Variants in SLCO1C1 observed in about 807,000 individuals in gnomAD.
SLCO1C1 encodes solute carrier organic anion transporter family member 1C1.
In SLCO1C1, 70 loss-of-function variants were observed where a neutral mutation model predicts 76.4. The observed-to-expected ratio is 0.92, with a 90% CI of 0.76 to 1.12. SLCO1C1 has a LOEUF of 1.12. SLCO1C1 is among the 50% of genes most tolerant of loss of function. The pLI is 0.00. For missense variants in SLCO1C1, 912 were observed against 823.8 expected (o/e 1.11, Z -1.31); for synonymous variants, 306 against 286.1 (o/e 1.07, Z -0.70).
At chr12:20,710,333 A>G (rs912176038) in intron 4 of SLCO1C1, among the ~76,000 whole-genome samples, 8 of 148,880 alleles carry the variant, frequency 5.4e-5, no homozygotes, top group Admixed American at 1.4e-4. Flanking sequence ...TCAGCCTCCC[A>G]AGTAGCTGGG....
chr12:20,717,008 T>C (rs1947391636), intron 6 of SLCO1C1, 124 bp from the exon 7 acceptor site: 1 of 767,686 alleles, frequency 1.3e-6, no homozygotes, highest in Non-Finnish European at 2.1e-6. Context: ...ACTAAACACA[T>C]GCAAATGAGT....
intron 6 of SLCO1C1, among the ~76,000 whole-genome samples, chr12:20,716,101 T>A (rs754872730): frequency 2.0e-5 from 3 of 152,140 alleles, no homozygotes; most frequent in African/African-American, 7.2e-5. Flanking sequence ...TTTAAATTCA[T>A]TGAGGGGCGC....
chr12:20,707,762 T>C (rs1165886823), intron 4 of SLCO1C1, among the ~76,000 whole-genome samples: 1 of 152,130 alleles, frequency 6.6e-6, no homozygotes, highest in African/African-American at 2.4e-5. Flanking sequence ...TGTATACAGA[T>C]GAATAATTTT....
chr12:20,723,446 T>C (rs1335166006), intron 9 of SLCO1C1, among the ~76,000 whole-genome samples, 192 bp downstream of exon 9: 1 of 152,144 alleles, frequency 6.6e-6, no homozygotes, highest in East Asian at 1.9e-4. Context: ...GAGCAAGCAG[T>C]TCTTGAAGTG....
intron 9 of SLCO1C1, among the ~76,000 whole-genome samples, chr12:20,725,403 A>G (rs1334797663): frequency 6.9e-6 from 1 of 145,482 alleles, no homozygotes; most frequent in Admixed American, 7.0e-5. Context: ...GATATATGGT[A>G]ATACTATAAT....
chr12:20,743,762 C>A (rs1948923228), intron 13 of SLCO1C1, among the ~76,000 whole-genome samples: 1 of 151,898 alleles, frequency 6.6e-6, no homozygotes, highest in Admixed American at 6.6e-5. Context: ...GGAAAGAATT[C>A]CTTTGAGTTA....
chr12:20,738,689 T>C (rs900337774), intron 11 of SLCO1C1, among the ~76,000 whole-genome samples: 2 of 152,180 alleles, frequency 1.3e-5, no homozygotes, highest in Non-Finnish European at 1.5e-5. Flanking sequence ...TGAAGGTTTT[T>C]TTGTAATGAG....
chr12:20,721,726 G>C, intron 7 of SLCO1C1, 78 bp from the exon 8 acceptor site: 6 of 1,479,952 alleles, frequency 4.1e-6, no homozygotes, highest in South Asian at 1.4e-5. Context: ...AGTTTTGCAA[G>C]AATTTATTTT....
chr12:20,721,691 T>C (rs1442673081), intron 7 of SLCO1C1, 113 bp from the exon 8 acceptor site: 2 of 1,282,000 alleles, frequency 1.6e-6, no homozygotes, highest in African/African-American at 3.0e-5. Flanking sequence ...ATAGATGAAT[T>C]ATTAGGTATT....
At chr12:20,738,684 G>T (rs960692999) in intron 11 of SLCO1C1, among the ~76,000 whole-genome samples, 8 of 151,934 alleles carry the variant, frequency 5.3e-5, no homozygotes, top group Non-Finnish European at 1.2e-4. Flanking sequence ...CTGCATGAAG[G>T]TTTTTTTGTA....
intron 9 of SLCO1C1, among the ~76,000 whole-genome samples, chr12:20,724,449 A>ATGTGTG (rs1331357327): frequency 1.6e-3 from 149 of 94,592 alleles, no homozygotes; most frequent in Non-Finnish European, 2.5e-3. Context: ...ATATATATAT[A>ATGTGTG]TATGTGTGTG....
At chr12:20,714,872 GAGA>G (rs1379339757) in intron 5 of SLCO1C1, among the ~76,000 whole-genome samples, 6 of 152,140 alleles carry the variant, frequency 3.9e-5, no homozygotes, top group African/African-American at 1.2e-4. Context: ...GGAATGAAAT[GAGA>G]AGAAGAGAGA....
intron 5 of SLCO1C1, among the ~76,000 whole-genome samples, chr12:20,713,077 T>C (rs1447272017): frequency 9.1e-6 from 1 of 109,366 alleles, no homozygotes; most frequent in Non-Finnish European, 1.8e-5. Flanking sequence ...CCAGGGAAGA[T>C]GTTTTCTTTT....
intron 13 of SLCO1C1, among the ~76,000 whole-genome samples, chr12:20,747,919 T>C (rs1949123698): frequency 1.3e-5 from 2 of 152,182 alleles, no homozygotes. Flanking sequence ...TCTTAGGACA[T>C]CTGTGTCCCT....
At chr12:20,705,093 T>G (rs1946710856) in intron 3 of SLCO1C1, among the ~76,000 whole-genome samples, 1 of 151,934 alleles carries the variant, frequency 6.6e-6, no homozygotes, top group South Asian at 2.1e-4. Flanking sequence ...CCGTTTCCTG[T>G]CAGTATTTTT....
At chr12:20,726,251 A>T (rs1199795601) in intron 9 of SLCO1C1, among the ~76,000 whole-genome samples, 1 of 145,908 alleles carries the variant, frequency 6.9e-6, no homozygotes, top group African/African-American at 2.5e-5. Context: ...TCTTTTTCTT[A>T]TTTTTTTTTT....
chr12:20,717,116 T>C lies in SLCO1C1; in HGVS notation c.677-16T>C. 1.3e-6 allele frequency: 2 copies of C among 1,584,960 alleles called. No individual in the cohort carries two copies. Among genetic ancestry groups the C allele is most frequent in the Non-Finnish European group, 1.7e-6 (2 of 1,167,866 alleles). On this transcript the variant is annotated splice_polypyrimidine_tract_variant and intron_variant, in intron 6 of 14. Transcript: ENST00000266509. ...AATGACAGCTTTTTTTTTTTCCTTT[T>C]CTTTTCTTGGTGCAGGGTGTGTGCA...
intron 12 of SLCO1C1, among the ~76,000 whole-genome samples, chr12:20,742,521 T>C (rs920709201): frequency 2.0e-5 from 3 of 151,704 alleles, no homozygotes; most frequent in African/African-American, 7.3e-5. Flanking sequence ...TTTTGCACTT[T>C]TCTGATTTAT....
Position 20,699,806 on chromosome 12 carries a change from A to G in SLCO1C1, c.129+101A>G, listed in dbSNP as rs191749159. 7 of 1,303,278 alleles carry G rather than the reference A, an allele frequency of 5.4e-6. No individual in the cohort carries two copies. The Admixed American group carries it at 1.6e-4, about 30-fold the overall frequency. The allele number at this position is 1,303,278 out of a possible 1,614,324, so 80.7% of individuals were successfully genotyped here. On this transcript the variant is annotated intron_variant, in intron 2 of 14. Transcript: ENST00000266509. Reference sequence around the variant, plus strand: ...AATGAGAATTGTTTTCTCCTTTAAAAAAAAAAAAAGATCTTAGATGCAATT... The same window carrying G: ...AATGAGAATTGTTTTCTCCTTTAAAGAAAAAAAAAGATCTTAGATGCAATT...
Sources: allele counts gnomAD v4.1 joint callset (sites outside exome capture counted in the v4.1 genomes callset), GRCh38; gene constraint gnomAD v4.1.1; transcripts MANE v1.5; gene names NCBI Gene and HGNC (gene_info 2026-07-23, HGNC 2026-07-21).